Variants in WDFY2 observed in about 807,000 individuals in gnomAD.
WDFY2 encodes WD repeat and FYVE domain-containing protein 2.
Under a neutral mutation model 56.4 loss-of-function variants are expected in WDFY2, and 36 were observed. The observed-to-expected ratio is 0.64, with a 90% CI of 0.49 to 0.84. WDFY2 has a LOEUF of 0.84. WDFY2 is among the 40% of genes least tolerant of loss of function. The pLI, the probability that WDFY2 is intolerant of heterozygous loss-of-function variation, is 0.00. For missense variants in WDFY2, 444 were observed against 512.2 expected, an observed-to-expected ratio of 0.87 and a Z score of 1.29; for synonymous variants, 176 against 183.7, an observed-to-expected ratio of 0.96 and a Z score of 0.34.
At chr13:51,710,978 C>A (rs1448935844) in intron 4 of WDFY2, among the ~76,000 whole-genome samples, 5 of 152,126 alleles carry the variant, frequency 3.3e-5, no homozygotes, top group Non-Finnish European at 5.9e-5. Flanking sequence ...CCCGCATTGC[C>A]AAGACAATCC....
At chr13:51,670,315 TAAAAG>T (rs563522269) in intron 2 of WDFY2, among the ~76,000 whole-genome samples, 37 of 152,132 alleles carry the variant, frequency 2.4e-4, no homozygotes, top group Non-Finnish European at 1.5e-4. Context: ...CTCTGATCCA[TAAAAG>T]AAAAGGAAGA....
At chr13:51,720,007 A>C (rs576801372) in intron 5 of WDFY2, among the ~76,000 whole-genome samples, 1 of 152,260 alleles carries the variant, frequency 6.6e-6, no homozygotes, top group East Asian at 1.9e-4. Flanking sequence ...CACAGTATTG[A>C]CTAGTGTGTA....
chr13:51,655,082 G>A (rs1955483659), intron 1 of WDFY2, among the ~76,000 whole-genome samples: 1 of 152,114 alleles, frequency 6.6e-6, no homozygotes, highest in Admixed American at 6.5e-5. Context: ...AATTTAATTA[G>A]CTTCAGTCGT....
intron 1 of WDFY2, among the ~76,000 whole-genome samples, chr13:51,627,816 G>A (rs1954865729): frequency 6.6e-6 from 1 of 152,140 alleles, no homozygotes; most frequent in South Asian, 2.1e-4. Context: ...CTCTCCATTG[G>A]TGGGTCATCC....
At chr13:51,595,860 C>T (rs535731697) in intron 1 of WDFY2, among the ~76,000 whole-genome samples, 2 of 152,244 alleles carry the variant, frequency 1.3e-5, no homozygotes, top group South Asian at 2.1e-4. Flanking sequence ...AAATTAAGGA[C>T]GGCATTTACC....
At chr13:51,731,962 C>T (rs1952732452) in intron 6 of WDFY2, among the ~76,000 whole-genome samples, 1 of 152,114 alleles carries the variant, frequency 6.6e-6, no homozygotes, top group South Asian at 2.1e-4. Context: ...CAAAGCATAA[C>T]ATTTTTCTAA....
chr13:51,693,252 C>G (rs1002058926), intron 3 of WDFY2, among the ~76,000 whole-genome samples: 2 of 151,914 alleles, frequency 1.3e-5, no homozygotes, highest in Non-Finnish European at 2.9e-5. Context: ...TCTTGCTTTT[C>G]TAGTTCTTTT....
chr13:51,655,607 G>C (rs1054088462), intron 1 of WDFY2, among the ~76,000 whole-genome samples: 3 of 152,044 alleles, frequency 2.0e-5, no homozygotes, highest in Non-Finnish European at 2.9e-5. Flanking sequence ...TTGTTGTGCA[G>C]TTTTGAATCT....
chr13:51,714,721 C>T (rs1430672752), intron 4 of WDFY2, among the ~76,000 whole-genome samples: 2 of 152,150 alleles, frequency 1.3e-5, no homozygotes, highest in Admixed American at 1.3e-4. Flanking sequence ...TAGTTATGTA[C>T]CCAACAGAAC....
intron 1 of WDFY2, among the ~76,000 whole-genome samples, chr13:51,630,679 T>G (rs530040109): frequency 6.6e-6 from 1 of 152,232 alleles, no homozygotes; most frequent in East Asian, 1.9e-4. Flanking sequence ...ACTGAATGTT[T>G]GGTCTTACCC....
chr13:51,652,227 C>A (rs543336562), intron 1 of WDFY2, among the ~76,000 whole-genome samples: 16 of 152,144 alleles, frequency 1.1e-4, no homozygotes, highest in African/African-American at 3.9e-4. Context: ...GGATTGCAAC[C>A]CCTGCCTTGT....
chr13:51,724,075 TG>T (rs1566185452), intron 5 of WDFY2, among the ~76,000 whole-genome samples: 1 of 152,076 alleles, frequency 6.6e-6, no homozygotes, highest in Non-Finnish European at 1.5e-5. Context: ...TTTTTCTTTT[TG>T]AGCACTATTA....
intron 1 of WDFY2, among the ~76,000 whole-genome samples, chr13:51,615,758 A>T (rs990033742): frequency 1.3e-5 from 2 of 152,188 alleles, no homozygotes; most frequent in African/African-American, 4.8e-5. Flanking sequence ...TTGTGACACC[A>T]TGTCTCTTTC....
chr13:51,658,782 A>G (rs1026879689), intron 1 of WDFY2, among the ~76,000 whole-genome samples: 5 of 152,212 alleles, frequency 3.3e-5, no homozygotes, highest in African/African-American at 1.2e-4. Flanking sequence ...GTATCTGTTC[A>G]CCTCACAAAT....
chr13:51,747,187 A>T (rs1953123049), intron 7 of WDFY2, among the ~76,000 whole-genome samples: 1 of 152,272 alleles, frequency 6.6e-6, no homozygotes, highest in Admixed American at 6.5e-5. Flanking sequence ...TTATCTACAG[A>T]TTATAGAGAT....
At chr13:51,666,389 G>A (rs1422587395) in intron 2 of WDFY2, among the ~76,000 whole-genome samples, 2 of 152,292 alleles carry the variant, frequency 1.3e-5, no homozygotes, top group East Asian at 1.9e-4. Flanking sequence ...AGACACGAGG[G>A]CCAGGAACTC....
At chr13:51,652,543 T>C (rs1417083951) in intron 1 of WDFY2, among the ~76,000 whole-genome samples, 3 of 152,208 alleles carry the variant, frequency 2.0e-5, no homozygotes, top group Admixed American at 6.5e-5. Context: ...TGGCTGGTAT[T>C]GGTTGTTCCT....
intron 1 of WDFY2, among the ~76,000 whole-genome samples, chr13:51,607,141 C>A (rs1954397832): frequency 6.6e-6 from 1 of 152,200 alleles, no homozygotes; most frequent in African/African-American, 2.4e-5. Flanking sequence ...TAGCATATTT[C>A]ATTGATTCAA....
rs145667651 is a variant in WDFY2 at position 51,702,600 on chromosome 13, A to G, written c.280-996A>G. Reference sequence around the variant, plus strand: ...CCTTTGTGATGTTTATCACAATAAAATAATATTTCCTTCTAAAAAATTACA... The same window carrying G: ...CCTTTGTGATGTTTATCACAATAAAGTAATATTTCCTTCTAAAAAATTACA... On this transcript the variant is annotated intron_variant, in intron 3 of 11. Transcript: ENST00000298125. Among the ~76,000 whole-genome samples the G allele has an allele frequency of 1.4e-3, 209 of 152,314 alleles. 1 individual carries two copies. The highest frequency in any genetic ancestry group is 4.4e-3 in the African/African-American group (185 of 41,574).
Sources: gnomAD v4.1 joint callset for allele counts (sites outside exome capture counted in the v4.1 genomes callset) on GRCh38, gnomAD v4.1.1 for gene constraint, MANE v1.5 for transcripts, NCBI Gene and HGNC (gene_info 2026-07-23, HGNC 2026-07-21) for gene names.